The following LMNTD1 variants were observed in gnomAD, a reference collection of about 807,000 sequenced individuals.
LMNTD1 encodes the protein lamin tail domain containing 1, also known as lamin tail domain-containing protein 1.
A neutral mutation model predicts 50.9 loss-of-function variants in LMNTD1; 35 were observed. The ratio of observed to expected loss-of-function variants is 0.69; its 90% confidence interval spans 0.53 to 0.91. The LOEUF (loss-of-function observed/expected upper bound fraction) is 0.91, where lower values mean the gene tolerates loss of function less well. Among genes scored for constraint, LMNTD1 ranks in the 40% least tolerant of loss-of-function variants. The pLI is 0.00. For missense variants in LMNTD1, 470 were observed against 475.5 expected, an observed-to-expected ratio of 0.99 and a Z score of 0.11; for synonymous variants, 153 against 161.9, an observed-to-expected ratio of 0.94 and a Z score of 0.42.
At position 25,539,857 on chromosome 12, in the gene LMNTD1, A is replaced by T. The variant is rs564236505; in HGVS notation, c.491+6517T>A. 1.5e-3 allele frequency among the ~76,000 whole-genome samples: 221 copies of T among 150,574 alleles called. 1 individual carries two copies. Among genetic ancestry groups the T allele is most frequent in the African/African-American group, 5.4e-3 (219 of 40,628 alleles). On this transcript the variant is annotated intron_variant, in intron 4 of 9. Coordinates refer to ENST00000458174, the MANE Select transcript of LMNTD1 (RefSeq NM_001145728.2). The stretch of plus-strand genomic sequence containing the variant: ...ACTAATAAAGAAAAAAAGAGAGAAG[A>T]ATCAAATAGACGCAATAAAAAATCA...
chr12:25,536,792 T>C (rs1452989814), intron 4 of LMNTD1, among the ~76,000 whole-genome samples: 1 of 152,242 alleles, frequency 6.6e-6, no homozygotes, highest in East Asian at 1.9e-4. Context: ...AGACGGGTGA[T>C]TTCTGCATTT....
intron 1 of LMNTD1, among the ~76,000 whole-genome samples, chr12:25,640,640 T>A (rs1351152215): frequency 6.6e-6 from 1 of 151,964 alleles, no homozygotes; most frequent in East Asian, 1.9e-4. Context: ...TAATAAAATA[T>A]CAGCTTATTG....
intron 1 of LMNTD1, among the ~76,000 whole-genome samples, chr12:25,618,139 G>A (rs1877144): frequency 0.59 from 89,495 of 151,914 alleles, 28,103 homozygotes; most frequent in Non-Finnish European, 0.71. Context: ...GTAACTTCCT[G>A]TTTGTCTCTC....
At chr12:25,516,923 A>C (rs1242636812) in intron 8 of LMNTD1, among the ~76,000 whole-genome samples, 1 of 151,728 alleles carries the variant, frequency 6.6e-6, no homozygotes, top group Non-Finnish European at 1.5e-5. Context: ...TTCTCTAAAG[A>C]AGACATTTAT....
At chr12:25,508,396 G>C (rs2135969708) in intron 8 of LMNTD1, among the ~76,000 whole-genome samples, 1 of 152,040 alleles carries the variant, frequency 6.6e-6, no homozygotes, top group South Asian at 2.1e-4. Context: ...ATTCCTTTTT[G>C]TCTGACATTT....
intron 1 of LMNTD1, among the ~76,000 whole-genome samples, chr12:25,565,471 A>G (rs1944520555): frequency 6.6e-6 from 1 of 152,208 alleles, no homozygotes; most frequent in East Asian, 1.9e-4. Flanking sequence ...GAAAACTAAT[A>G]AAGACTCTGT....
rs753838181 is a variant in LMNTD1 at position 25,579,024 on chromosome 12, C to T, written c.59-32470G>A. ...AACATGGTGGAAAAAGATAGCATTA[C>T]GCTCAGAAAAAGCACTAACCTAATC... is the stretch of plus-strand genomic sequence containing the variant. On this transcript the variant is annotated intron_variant, in intron 1 of 7. Coordinates refer to the LMNTD1 transcript ENST00000445693. Among the ~76,000 whole-genome samples the T allele has an allele frequency of 9.2e-5, 14 of 152,254 alleles. No homozygotes were observed. The South Asian group carries it at 1.0e-3, about 11-fold the overall frequency.
intron 1 of LMNTD1, among the ~76,000 whole-genome samples, chr12:25,596,183 C>A (rs1945841882): frequency 6.6e-6 from 1 of 151,960 alleles, no homozygotes; most frequent in Non-Finnish European, 1.5e-5. Context: ...TGACACTATT[C>A]CAGAAGATAG....
intron 1 of LMNTD1, among the ~76,000 whole-genome samples, chr12:25,607,428 G>A (rs1369496770): frequency 6.6e-6 from 1 of 151,818 alleles, no homozygotes; most frequent in Non-Finnish European, 1.5e-5. Context: ...GTGATGTTAG[G>A]GTGTCAATTT....
chr12:25,613,343 A>C (rs1254698736), intron 1 of LMNTD1, among the ~76,000 whole-genome samples: 1 of 152,094 alleles, frequency 6.6e-6, no homozygotes, highest in Non-Finnish European at 1.5e-5. Flanking sequence ...GAACCAAAAG[A>C]CCTGTGTGTG....
intron 2 of LMNTD1, among the ~76,000 whole-genome samples, chr12:25,551,653 A>C (rs1565471370): frequency 3.3e-5 from 5 of 152,136 alleles, no homozygotes; most frequent in African/African-American, 1.2e-4. Flanking sequence ...TGGCCTCCCA[A>C]ATTGCTGGAA....
chr12:25,495,642 T>G (rs542766193), intron 9 of LMNTD1, among the ~76,000 whole-genome samples: 1 of 152,272 alleles, frequency 6.6e-6, no homozygotes, highest in Non-Finnish European at 1.5e-5. Context: ...AACACATTCT[T>G]TCTTTATAAT....
chr12:25,630,836 G>C (rs986410407), intron 1 of LMNTD1: 1 of 152,256 alleles, frequency 6.6e-6, no homozygotes, highest in Admixed American at 6.5e-5. Flanking sequence ...TAGAACTCAG[G>C]GGAGGGCACA....
At chr12:25,619,998 C>A (rs751110643) in intron 1 of LMNTD1, among the ~76,000 whole-genome samples, 5 of 152,188 alleles carry the variant, frequency 3.3e-5, no homozygotes, top group Non-Finnish European at 5.9e-5. Context: ...AAAGCCTTAG[C>A]TTTATAAATA....
At chr12:25,484,451 G>A (rs1438921535) in intron 9 of LMNTD1, among the ~76,000 whole-genome samples, 2 of 151,864 alleles carry the variant, frequency 1.3e-5, no homozygotes, top group Admixed American at 6.6e-5. Context: ...TACCCCCTAG[G>A]TGAATGGGTG....
chr12:25,481,526 C>T lies in LMNTD1; in HGVS notation c.*23-5066G>A, dbSNP rs531595336. Among the ~76,000 whole-genome samples, 12 of 152,046 alleles carry T rather than the reference C, an allele frequency of 7.9e-5. No individual in the cohort carries two copies. The South Asian group carries it at 1.9e-3, about 24-fold the overall frequency. On this transcript the variant is annotated intron_variant, in intron 9 of 9. Coordinates refer to ENST00000458174, the MANE Select transcript of LMNTD1 (RefSeq NM_001145728.2). ...ACCAAAATTTGATACACGTGTCTGA[C>T]GTTTTAAAGACACTTCCAGATTTCT...
chr12:25,595,888 T>C (rs1209970625), intron 1 of LMNTD1, among the ~76,000 whole-genome samples: 1 of 151,844 alleles, frequency 6.6e-6, no homozygotes, highest in Non-Finnish European at 1.5e-5. Flanking sequence ...TAAGCTCAAT[T>C]AGAGAGGAAA....
intron 1 of LMNTD1, among the ~76,000 whole-genome samples, chr12:25,623,588 A>G (rs917530961): frequency 1.3e-5 from 2 of 149,178 alleles, no homozygotes; most frequent in Non-Finnish European, 3.0e-5. Flanking sequence ...AAAAGGAGAG[A>G]AAGCATGCAA....
intron 9 of LMNTD1, chr12:25,497,870 G>C (rs1186155395): frequency 6.6e-6 from 1 of 151,740 alleles, no homozygotes; most frequent in Non-Finnish European, 1.5e-5. Context: ...TTGGTGCTTG[G>C]GTGTAATAAA....
Sources: allele counts gnomAD v4.1 joint callset (sites outside exome capture counted in the v4.1 genomes callset), GRCh38; gene constraint gnomAD v4.1.1; transcripts MANE v1.5; gene names NCBI Gene and HGNC (gene_info 2026-07-23, HGNC 2026-07-21).